NSMCE4A: variants seen among roughly 807,000 people sequenced by gnomAD.
NSMCE4A encodes the protein non-structural maintenance of chromosomes element 4 homolog A.
NSMCE4A carries 40 observed loss-of-function variants against 47.9 expected under a neutral mutation model. The ratio of observed to expected loss-of-function variants is 0.83; its 90% CI spans 0.65 to 1.09. The LOEUF is 1.09. Among genes scored for constraint, NSMCE4A ranks in the 50% least tolerant of loss-of-function variants. NSMCE4A has a pLI of 0.00. For synonymous variants in NSMCE4A, 166 were observed against 178.5 expected, an observed-to-expected ratio of 0.93 and a Z score of 0.56; for missense variants, 500 against 507.0, an observed-to-expected ratio of 0.99 and a Z score of 0.13.
At chr10:121,959,813 G>A (rs1952466123) in intron 8 of NSMCE4A, 1 of 567,834 alleles carries the variant, frequency 1.8e-6, no homozygotes, top group South Asian at 2.1e-5. Context: ...ATGTAGTAGA[G>A]TAACACATTC....
intron 3 of NSMCE4A, among the ~76,000 whole-genome samples, chr10:121,969,213 T>C (rs1262626882): frequency 1.3e-5 from 2 of 152,072 alleles, no homozygotes; most frequent in Admixed American, 1.3e-4. Flanking sequence ...CAGGCACCTG[T>C]AATGCCAGCT....
chr10:121,971,655 G>T (rs550532501), intron 2 of NSMCE4A, among the ~76,000 whole-genome samples: 15 of 152,286 alleles, frequency 9.8e-5, no homozygotes, highest in Non-Finnish European at 1.5e-4. Flanking sequence ...AACTCCAGTT[G>T]AGCAAAACCC....
chr10:121,963,344 A>T lies in NSMCE4A; in HGVS notation c.754-16T>A. 1 of 1,513,438 alleles carries T rather than the reference A, an allele frequency of 6.6e-7. No individual in the cohort carries two copies. The highest frequency in any genetic ancestry group is 9.2e-7 in the Non-Finnish European group (1 of 1,091,504). The allele number at this position is 1,513,438 out of a possible 1,614,324, so 93.8% of individuals were successfully genotyped here. ...TTCTTCTTAACTGAAAAAAGTCATT[A>T]TCAAGCTGACAGACCTACTTACTGG... On this transcript the variant is annotated splice_polypyrimidine_tract_variant and intron_variant, in intron 5 of 10. Transcript: ENST00000369023.
rs1195505371 is a variant in NSMCE4A at position 121,961,067 on chromosome 10, C to G, written c.939+356G>C. 1.4e-4 allele frequency among the ~76,000 whole-genome samples: 22 copies of G among 152,154 alleles called. 2 individuals carry two copies. The highest frequency in any genetic ancestry group is 1.4e-3 in the Admixed American group (22 of 15,274). ...TGAAGTGAGAATGATAGGCGGCCTG[C>G]TTCTTTTCCCTAATCTTTCAGTGTG... On this transcript the variant is annotated intron_variant, in intron 7 of 10. Transcript: ENST00000369023.
intron 1 of NSMCE4A, chr10:121,974,510 TG>T: frequency 2.0e-6 from 2 of 1,005,590 alleles, no homozygotes; most frequent in Non-Finnish European, 2.4e-6. Flanking sequence ...CAGCTGCAGC[TG>T]CCGCTGCGAG....
intron 3 of NSMCE4A, 141 bp from the exon 4 acceptor site, chr10:121,967,947 T>C: frequency 2.6e-6 from 2 of 783,190 alleles, no homozygotes; most frequent in Admixed American, 3.1e-5. Context: ...CTAAATTTCT[T>C]ACTGTGAAGA....
intron 10 of NSMCE4A, among the ~76,000 whole-genome samples, chr10:121,957,918 T>C (rs1315923445): frequency 6.7e-6 from 1 of 149,900 alleles, no homozygotes; most frequent in Non-Finnish European, 1.5e-5. Context: ...TTTATAGATA[T>C]ATTTATAGAT....
In NSMCE4A at chr10:121,970,973, C is replaced by G; in HGVS notation, c.467G>C (p.Ser156Thr). ...AACATATCTTAACATGTCAAAGGAG[C>G]TCAGGTCTGAGCGCAGCTGCTTTGC... ...EKAKQLRSDL[S>T]SFDMLRYVET... The change falls in exon 3 of 11, where the codon AGC (serine) becomes ACC (threonine). Residue 156 changes from serine (S) to threonine (T), a missense_variant. Ser to Thr is a moderately conservative substitution (Grantham distance 58). Coordinates refer to ENST00000369023, the MANE Select transcript of NSMCE4A (RefSeq NM_017615.3). 2 of 1,613,698 alleles carry G rather than the reference C, an allele frequency of 1.2e-6. No homozygotes were observed. The highest frequency in any genetic ancestry group is 1.7e-6 in the Non-Finnish European group (2 of 1,179,840).
chr10:121,966,072 C>T (rs566361574), intron 4 of NSMCE4A: 2 of 152,264 alleles, frequency 1.3e-5, no homozygotes, highest in Admixed American at 6.5e-5. Flanking sequence ...TCCTGCTCCA[C>T]AAGGAGCAGT....
At chr10:121,972,086 C>A (rs1180381535) in intron 2 of NSMCE4A, among the ~76,000 whole-genome samples, 8 of 152,332 alleles carry the variant, frequency 5.3e-5, no homozygotes, top group Admixed American at 5.2e-4. Flanking sequence ...TTTGGGAAGC[C>A]GAGGCAGGCG....
Position 121,973,539 on chromosome 10 carries a change from G to A in NSMCE4A, c.370+465C>T, listed in dbSNP as rs557892433. Among the ~76,000 whole-genome samples, 299 of 152,298 alleles carry A rather than the reference G, an allele frequency of 2.0e-3. 1 individual carries two copies. The highest frequency in any genetic ancestry group is 7.0e-3 in the African/African-American group (291 of 41,570). ...ACAACACACCCCAGACTGGAGACCAGCAGGTACACTTGCAGGCTTTGCCAC... is the reference window on the plus strand; with the variant it reads ...ACAACACACCCCAGACTGGAGACCAACAGGTACACTTGCAGGCTTTGCCAC... On this transcript the variant is annotated intron_variant, in intron 2 of 10. Transcript: ENST00000369023.
chr10:121,972,426 CT>C (rs1371604895), intron 2 of NSMCE4A, among the ~76,000 whole-genome samples: 2 of 152,172 alleles, frequency 1.3e-5, no homozygotes, highest in Non-Finnish European at 2.9e-5. Flanking sequence ...CATGAGTATC[CT>C]GTGCCTGCCT....
At position 121,975,002 on chromosome 10, in the gene NSMCE4A, A is replaced by G. The variant is rs1166568038; in HGVS notation, c.164T>C (p.Leu55Pro). 1.3e-6 allele frequency: 2 copies of G among 1,510,268 alleles called. No individual in the cohort carries two copies. Among genetic ancestry groups the G allele is most frequent in the Non-Finnish European group, 1.8e-6 (2 of 1,132,938 alleles). The allele number at this position is 1,510,268 out of a possible 1,614,324, so 93.6% of individuals were successfully genotyped here. A position where few individuals can be genotyped will look rare whatever the true frequency, so the allele number is the denominator to read the frequency against. The change falls in exon 1 of 11, where the codon CTG becomes CCG. Residue 55 changes from leucine (L) to proline (P), a missense_variant. Physicochemically the swap from Leu to Pro is moderately conservative, Grantham distance 98. Coordinates refer to ENST00000369023, the MANE Select transcript of NSMCE4A (RefSeq NM_017615.3). ...ERREAPERPSLEDTEPSDSGD... is the reference protein window; with the variant it reads ...ERREAPERPSPEDTEPSDSGD... Reference sequence around the variant, plus strand: ...GGAATCCGACGGCTCTGTGTCCTCCAGGCTCGGGCGCTCTGGGGCCTCTCT... The same window carrying G: ...GGAATCCGACGGCTCTGTGTCCTCCGGGCTCGGGCGCTCTGGGGCCTCTCT...
chr10:121,965,444 C>T (rs1952589915), intron 4 of NSMCE4A, 59 bp from the exon 5 acceptor site: 1 of 1,302,982 alleles, frequency 7.7e-7, no homozygotes, highest in Non-Finnish European at 1.1e-6. Context: ...AACAAACTAA[C>T]TTTACTAACT....
chr10:121,967,964 T>C (rs1952638803), intron 3 of NSMCE4A, among the ~76,000 whole-genome samples, 158 bp from the exon 4 acceptor site: 2 of 152,236 alleles, frequency 1.3e-5, no homozygotes, highest in South Asian at 4.1e-4. Context: ...AAGATAACTT[T>C]ACAGTTAAAG....
At position 121,975,166 on chromosome 10, in the gene NSMCE4A, A is replaced by T. The variant is rs371141227; in HGVS notation, c.-1T>A. On this transcript the variant is annotated 5_prime_UTR_variant, in exon 1 of 11. Transcript: ENST00000369023. ...CGCGGCCGCTGCTGTCCCCAGACAT[A>T]GCGCCAATTCACCGTGCAACTTCGG... 3.9e-5 allele frequency: 54 copies of T among 1,380,516 alleles called. No homozygotes were observed. The East Asian group carries it at 6.2e-4, about 16-fold the overall frequency. The allele number at this position is 1,380,516 out of a possible 1,614,324, so 85.5% of individuals were successfully genotyped here.
chr10:121,965,555 T>A (rs1426346319), intron 4 of NSMCE4A, among the ~76,000 whole-genome samples, 170 bp from the exon 5 acceptor site: 1 of 152,256 alleles, frequency 6.6e-6, no homozygotes. Flanking sequence ...ACAGCCTTTC[T>A]GCCTTCTTTG....
chr10:121,973,348 TATGACC>T (rs1385626663), intron 2 of NSMCE4A, among the ~76,000 whole-genome samples: 1 of 152,154 alleles, frequency 6.6e-6, no homozygotes, highest in Non-Finnish European at 1.5e-5. Context: ...CCTGTGGCTC[TATGACC>T]AAGTACCCAC....
intron 5 of NSMCE4A, among the ~76,000 whole-genome samples, chr10:121,964,680 T>A (rs910906077): frequency 6.6e-6 from 1 of 152,144 alleles, no homozygotes; most frequent in Non-Finnish European, 1.5e-5. Context: ...GACCTTGTGA[T>A]CTGCCCGCCT....
Sources: allele counts gnomAD v4.1 joint callset (sites outside exome capture counted in the v4.1 genomes callset), GRCh38; gene constraint gnomAD v4.1.1; transcripts MANE v1.5; gene names NCBI Gene and HGNC (gene_info 2026-07-23, HGNC 2026-07-21).